CBR4: variants seen among roughly 807,000 people sequenced by gnomAD.
CBR4 encodes the protein carbonyl reductase 4, also known as 3-oxoacyl-[acyl-carrier-protein] reductase.
In CBR4, 22 loss-of-function variants were observed where a neutral mutation model predicts 21.0. The ratio of observed to expected loss-of-function variants is 1.05; its 90% confidence interval spans 0.75 to 1.50. The LOEUF (loss-of-function observed/expected upper bound fraction) is 1.50, where lower values mean the gene tolerates loss of function less well. CBR4 is among the 40% of genes most tolerant of loss of function. CBR4 has a pLI of 0.00. For missense variants in CBR4, 302 were observed against 286.3 expected (o/e 1.05, Z -0.40); for synonymous variants, 100 against 104.4 (o/e 0.96, Z 0.26).
At chr4:168,916,402 C>A (rs1158593200) in intron 2 of CBR4, among the ~76,000 whole-genome samples, 1 of 151,842 alleles carries the variant, frequency 6.6e-6, no homozygotes, top group Non-Finnish European at 1.5e-5. Flanking sequence ...AGAGCAAGAC[C>A]CTGTCTCAAA....
chr4:169,001,151 ATT>A (rs200561073), intron 4 of CBR4: 15 of 132,268 alleles, frequency 1.1e-4, no homozygotes, highest in East Asian at 2.1e-4. Flanking sequence ...CACCCAGCTA[ATT>A]TTTTTTTTTT....
chr4:168,939,160 C>T (rs570709627), intron 2 of CBR4, among the ~76,000 whole-genome samples: 29 of 152,192 alleles, frequency 1.9e-4, no homozygotes, highest in South Asian at 6.2e-4. Flanking sequence ...AATCAATAAA[C>T]GTAATCCATC....
At chr4:168,973,608 G>GT (rs1270528105) in intron 2 of CBR4, among the ~76,000 whole-genome samples, 4 of 152,200 alleles carry the variant, frequency 2.6e-5, no homozygotes, top group Non-Finnish European at 5.9e-5. Context: ...GATTACAGGC[G>GT]TGAGCCACCA....
At chr4:168,901,639 C>G (rs902469598) in intron 2 of CBR4, among the ~76,000 whole-genome samples, 6 of 152,136 alleles carry the variant, frequency 3.9e-5, no homozygotes, top group Non-Finnish European at 7.4e-5. Context: ...AGGCAGATCT[C>G]TTGAGGTCAG....
At chr4:168,906,288 A>G (rs908875562) in intron 2 of CBR4, among the ~76,000 whole-genome samples, 14 of 152,232 alleles carry the variant, frequency 9.2e-5, no homozygotes, top group African/African-American at 3.4e-4. Flanking sequence ...TTATAGAACA[A>G]AAGAACATAA....
intron 4 of CBR4, among the ~76,000 whole-genome samples, chr4:168,997,449 T>G (rs933641362): frequency 2.0e-5 from 3 of 152,038 alleles, no homozygotes; most frequent in African/African-American, 7.2e-5. Context: ...ACTCTAAAGA[T>G]ATAGGCCAGG....
chr4:168,988,730 A>T lies in CBR4; in HGVS notation c.*1420T>A. On this transcript the variant is annotated 3_prime_UTR_variant, in exon 5 of 5. Coordinates refer to ENST00000306193, the MANE Select transcript of CBR4 (RefSeq NM_032783.5). Reference sequence around the variant, plus strand: ...TTACTCACACTTAATTGACTTTCTCATATCCTGAGATTAATCTAAGAAAAC... The same window carrying T: ...TTACTCACACTTAATTGACTTTCTCTTATCCTGAGATTAATCTAAGAAAAC... 1 of 969,728 alleles carries T rather than the reference A, an allele frequency of 1.0e-6. No homozygotes were observed. The highest frequency in any genetic ancestry group is 1.8e-5 in the African/African-American group (1 of 57,010). The allele number at this position is 969,728 out of a possible 1,614,324, so 60.1% of individuals were successfully genotyped here.
At chr4:168,925,212 T>G in intron 2 of CBR4, 2 of 1,597,588 alleles carry the variant, frequency 1.3e-6, no homozygotes, top group Non-Finnish European at 1.7e-6. Context: ...CATATTGCTC[T>G]CTCTCTCTTT....
intron 4 of CBR4, among the ~76,000 whole-genome samples, chr4:168,993,959 C>A (rs1765052293): frequency 6.6e-6 from 1 of 152,130 alleles, no homozygotes; most frequent in Non-Finnish European, 1.5e-5. Flanking sequence ...AAAGCTATCA[C>A]CCGAGAAAAG....
intron 2 of CBR4, among the ~76,000 whole-genome samples, chr4:168,950,313 G>A (rs1400406525): frequency 1.3e-5 from 2 of 152,118 alleles, no homozygotes; most frequent in East Asian, 3.9e-4. Flanking sequence ...TGTTATTACT[G>A]TCATTCAGTT....
chr4:168,935,773 T>G (rs1763094822), intron 2 of CBR4, among the ~76,000 whole-genome samples: 1 of 152,142 alleles, frequency 6.6e-6, no homozygotes, highest in African/African-American at 2.4e-5. Flanking sequence ...CAGGGGCTCA[T>G]AGGGAAAACT....
chr4:168,932,288 G>T (rs1762992247), intron 2 of CBR4, among the ~76,000 whole-genome samples: 1 of 149,620 alleles, frequency 6.7e-6, no homozygotes, highest in Non-Finnish European at 1.5e-5. Flanking sequence ...AGAATTCAAT[G>T]AATAAAATAA....
chr4:168,946,930 C>A (rs1763410322), intron 2 of CBR4, among the ~76,000 whole-genome samples: 1 of 152,166 alleles, frequency 6.6e-6, no homozygotes, highest in Non-Finnish European at 1.5e-5. Context: ...GCACATGGAG[C>A]TTCCAATCTG....
intron 2 of CBR4, among the ~76,000 whole-genome samples, chr4:168,960,870 T>C (rs1449266405): frequency 2.0e-5 from 3 of 152,226 alleles, no homozygotes; most frequent in African/African-American, 7.2e-5. Context: ...TGCGGTGGCA[T>C]CTATTTCAAC....
Position 168,988,351 on chromosome 4 carries a change from C to G in CBR4, c.*1799G>C. On this transcript the variant is annotated 3_prime_UTR_variant, in exon 5 of 5. Transcript: ENST00000306193. ...ACATACACTTAAAGGCTAAACCTAT[C>G]TATAACCTACATCTTAATGTCAGCA... The G allele has an allele frequency of 1.0e-6, 1 of 985,368 alleles. No homozygotes were observed. Among genetic ancestry groups the G allele is most frequent in the Non-Finnish European group, 1.2e-6 (1 of 829,886 alleles). 61.0% of individuals were successfully genotyped at this position (985,368 alleles called of 1,614,324 possible). A position where few individuals can be genotyped will look rare whatever the true frequency, so the allele number is the denominator to read the frequency against.
intron 2 of CBR4, among the ~76,000 whole-genome samples, chr4:168,957,864 T>C (rs191567274): frequency 2.3e-4 from 35 of 152,260 alleles, no homozygotes; most frequent in African/African-American, 7.5e-4. Context: ...GTTCTCGTGA[T>C]AGTGAGTTCT....
chr4:168,971,813 A>G (rs913895721), intron 2 of CBR4, among the ~76,000 whole-genome samples: 2 of 152,034 alleles, frequency 1.3e-5, no homozygotes, highest in East Asian at 1.9e-4. Flanking sequence ...CCATCTATTT[A>G]TCTTTGTTTT....
chr4:168,903,553 T>C (rs1346210999), intron 2 of CBR4, among the ~76,000 whole-genome samples: 2 of 152,162 alleles, frequency 1.3e-5, no homozygotes, highest in Non-Finnish European at 2.9e-5. Flanking sequence ...AAGGAAGATA[T>C]ATAATTTAAA....
intron 2 of CBR4, among the ~76,000 whole-genome samples, chr4:168,954,351 T>C (rs1763626338): frequency 1.3e-5 from 2 of 152,206 alleles, no homozygotes; most frequent in African/African-American, 4.8e-5. Flanking sequence ...ACTGGGTAAT[T>C]TATAAAGAAA....
Sources: allele counts gnomAD v4.1 joint callset (sites outside exome capture counted in the v4.1 genomes callset), GRCh38; gene constraint gnomAD v4.1.1; transcripts MANE v1.5; gene names NCBI Gene and HGNC (gene_info 2026-07-23, HGNC 2026-07-21).